Variants in NAALADL2 observed in about 807,000 individuals in gnomAD.
NAALADL2 encodes the protein inactive N-acetylated-alpha-linked acidic dipeptidase-like protein 2.
A neutral mutation model predicts 87.2 loss-of-function variants in NAALADL2; 76 were observed. The ratio of observed to expected loss-of-function variants is 0.87; its 90% CI spans 0.72 to 1.05. NAALADL2 has a LOEUF of 1.05. NAALADL2 is among the 50% of genes least tolerant of loss of function. The pLI is 0.00. For synonymous variants in NAALADL2, 354 were observed against 331.0 expected, an observed-to-expected ratio of 1.07 and a Z score of -0.75; for missense variants, 1,089 against 945.8, an observed-to-expected ratio of 1.15 and a Z score of -1.99.
intron 11 of NAALADL2, among the ~76,000 whole-genome samples, chr3:175,718,867 C>A (rs760988386): frequency 7.4e-4 from 112 of 151,456 alleles, no homozygotes; most frequent in Non-Finnish European, 1.4e-3. Context: ...AACAAACAAA[C>A]AAAAAACAAA....
At chr3:175,243,070 AACAC>A (rs145805880) in intron 3 of NAALADL2, among the ~76,000 whole-genome samples, 37 of 146,958 alleles carry the variant, frequency 2.5e-4, no homozygotes, top group African/African-American at 3.8e-4. Flanking sequence ...TCCTTTCCAT[AACAC>A]ACACACACAC....
At chr3:175,719,221 CAA>C (rs372495246) in intron 11 of NAALADL2, among the ~76,000 whole-genome samples, 5 of 131,132 alleles carry the variant, frequency 3.8e-5, no homozygotes, top group African/African-American at 2.9e-5. Context: ...ATGGGGGTTA[CAA>C]AAAAAAAAAA....
At chr3:175,566,545 TCTAA>T (rs1717173252) in intron 9 of NAALADL2, among the ~76,000 whole-genome samples, 1 of 152,168 alleles carries the variant, frequency 6.6e-6, no homozygotes, top group Non-Finnish European at 1.5e-5. Context: ...ATGTGTGCAA[TCTAA>T]CTTATTTAAA....
At chr3:174,610,567 G>T (rs1719719709) in intron 2 of NAALADL2, among the ~76,000 whole-genome samples, 1 of 152,168 alleles carries the variant, frequency 6.6e-6, no homozygotes, top group Admixed American at 6.5e-5. Context: ...GTGAAAAAAT[G>T]CTCACCATCA....
At chr3:174,724,768 G>A (rs1002719588) in intron 2 of NAALADL2, among the ~76,000 whole-genome samples, 2 of 152,146 alleles carry the variant, frequency 1.3e-5, no homozygotes, top group African/African-American at 4.8e-5. Flanking sequence ...TGATGGAATA[G>A]TAGATCTATT....
At chr3:175,751,452 T>G (rs1746617191) in intron 12 of NAALADL2, among the ~76,000 whole-genome samples, 1 of 152,086 alleles carries the variant, frequency 6.6e-6, no homozygotes, top group Admixed American at 6.6e-5. Flanking sequence ...TCCATGCCTT[T>G]AAAAAATGGG....
intron 1 of NAALADL2, among the ~76,000 whole-genome samples, chr3:174,956,581 C>A (rs1741181965): frequency 6.6e-6 from 1 of 151,988 alleles, no homozygotes; most frequent in Non-Finnish European, 1.5e-5. Context: ...AAATTGCCTG[C>A]CACATATAAG....
chr3:175,549,970 T>A (rs555728556), intron 9 of NAALADL2, among the ~76,000 whole-genome samples: 43 of 152,174 alleles, frequency 2.8e-4, no homozygotes, highest in South Asian at 4.1e-4. Flanking sequence ...GCTAAAGAAA[T>A]AGGTAGGCCC....
intron 13 of NAALADL2, among the ~76,000 whole-genome samples, chr3:175,800,614 C>T (rs1034417893): frequency 2.0e-5 from 3 of 152,204 alleles, no homozygotes; most frequent in African/African-American, 4.8e-5. Flanking sequence ...GATACAAAAT[C>T]GACTGTTCTT....
intron 2 of NAALADL2, among the ~76,000 whole-genome samples, chr3:175,110,452 T>C (rs1724004859): frequency 6.6e-6 from 1 of 151,748 alleles, no homozygotes. Context: ...CCTTCGTATG[T>C]ATAGGGACAG....
chr3:174,936,714 T>A (rs1220245934), intron 1 of NAALADL2, among the ~76,000 whole-genome samples: 1 of 152,124 alleles, frequency 6.6e-6, no homozygotes, highest in Non-Finnish European at 1.5e-5. Flanking sequence ...AGTCTGACTC[T>A]CTAGAGCAAG....
intron 5 of NAALADL2, among the ~76,000 whole-genome samples, chr3:175,361,109 A>G (rs1764956793): frequency 6.6e-6 from 1 of 151,816 alleles, no homozygotes; most frequent in African/African-American, 2.4e-5. Flanking sequence ...ATGAGTGAGA[A>G]CATGTGGTGT....
chr3:175,102,251 G>A (rs2902105), intron 2 of NAALADL2, among the ~76,000 whole-genome samples: 32,847 of 151,984 alleles, frequency 0.22, 4,876 homozygotes, highest in African/African-American at 0.42. Flanking sequence ...CCCTTCTGAT[G>A]AATTCCTGGA....
At chr3:175,560,919 C>T (rs1716166640) in intron 9 of NAALADL2, among the ~76,000 whole-genome samples, 1 of 152,110 alleles carries the variant, frequency 6.6e-6, no homozygotes, top group African/African-American at 2.4e-5. Flanking sequence ...TGCGCCCAGC[C>T]CATAACTGAA....
chr3:175,472,478 C>T lies in NAALADL2; in HGVS notation c.1653+720C>T, dbSNP rs148924292. 7.6e-3 allele frequency among the ~76,000 whole-genome samples: 1,155 copies of T among 152,210 alleles called. 53 individuals carry two copies. The highest frequency in any genetic ancestry group is 0.064 in the Admixed American group (984 of 15,280). ...TCTCATTATGAAAACAATCATACCA[C>T]AACTTAGGGATGGTTTCCTCTTAGC... On this transcript the variant is annotated intron_variant, in intron 9 of 13. Transcript: ENST00000454872.
chr3:175,172,078 C>T (rs749197313), intron 2 of NAALADL2, among the ~76,000 whole-genome samples: 65 of 152,030 alleles, frequency 4.3e-4, no homozygotes, highest in Admixed American at 1.4e-3. Context: ...GTCCTCAACA[C>T]ACAGAAATGT....
intron 1 of NAALADL2, among the ~76,000 whole-genome samples, chr3:174,937,129 G>T (rs1234066605): frequency 6.6e-6 from 1 of 151,822 alleles, no homozygotes; most frequent in Non-Finnish European, 1.5e-5. Context: ...CTGTCAAATT[G>T]CTCTAAGAAT....
At chr3:174,722,607 C>T (rs1375127943) in intron 2 of NAALADL2, among the ~76,000 whole-genome samples, 2 of 152,108 alleles carry the variant, frequency 1.3e-5, no homozygotes, top group Non-Finnish European at 2.9e-5. Context: ...GAGACTGAGG[C>T]AGGAGAATCG....
chr3:174,818,014 C>A (rs548613006), intron 3 of NAALADL2, among the ~76,000 whole-genome samples: 1 of 152,068 alleles, frequency 6.6e-6, no homozygotes, highest in Non-Finnish European at 1.5e-5. Context: ...AAATGCAACC[C>A]GCTGGGCTTT....
Sources: allele counts gnomAD v4.1 joint callset (sites outside exome capture counted in the v4.1 genomes callset), GRCh38; gene constraint gnomAD v4.1.1; transcripts MANE v1.5; gene names NCBI Gene and HGNC (gene_info 2026-07-23, HGNC 2026-07-21).